Variants in SYNE2 observed in about 807,000 individuals in gnomAD.
SYNE2 encodes nesprin-2.
SYNE2 carries 431 observed loss-of-function variants against 856.3 expected under a neutral mutation model. The ratio of observed to expected loss-of-function variants is 0.50; its 90% CI spans 0.47 to 0.55. The LOEUF (loss-of-function observed/expected upper bound fraction) is 0.55. Among genes scored for constraint, SYNE2 ranks in the 20% least tolerant of loss-of-function variants. The probability of loss-of-function intolerance (pLI) is 0.00; values close to 1 mark genes in which losing one functional copy is unlikely to be tolerated. For missense variants in SYNE2, 8,129 were observed against 8,023.2 expected (o/e 1.01, Z -0.50); for synonymous variants, 2,923 against 2,872.3 (o/e 1.02, Z -0.56).
At chr14:63,847,778 G>T (rs1328224226) in intron 1 of SYNE2, among the ~76,000 whole-genome samples, 4 of 151,812 alleles carry the variant, frequency 2.6e-5, no homozygotes, top group Non-Finnish European at 5.9e-5. Context: ...TAGAGATGGG[G>T]TTTCACCGTG....
chr14:64,027,761 C>T lies in SYNE2; in HGVS notation c.6682C>T (p.His2228Tyr), dbSNP rs2096992235. The T allele has an allele frequency of 6.2e-7, 1 of 1,613,560 alleles. No individual in the cohort carries two copies. Among genetic ancestry groups the T allele is most frequent in the African/African-American group, 1.3e-5 (1 of 74,804 alleles). Residue 2228 changes from histidine to tyrosine, a missense_variant, in exon 43 of 116, where the codon CAT becomes TAT. Physicochemically the swap from His to Tyr is moderately conservative, Grantham distance 83 (BLOSUM62 2). Coordinates refer to ENST00000555002, the MANE Select transcript of SYNE2 (RefSeq NM_182914.3). ...TGAAGAGCCTTGGCTGGAAATAAAG[C>T]ATCTACACGAAAGTCTTCTTCAACA... ...FSEEPWLEIK[H>Y]LHESLLQQLQ...
chr14:63,936,082 C>A lies in SYNE2; in HGVS notation c.80-4532C>A, dbSNP rs1369657171. Among the ~76,000 whole-genome samples, 3 of 152,262 alleles carry A rather than the reference C, an allele frequency of 2.0e-5. No homozygotes were observed. The East Asian group carries it at 5.8e-4, about 29-fold the overall frequency. ...TAGAGATGGGGTTTCACCATGTTGG[C>A]CACGCTGGTCTCGAACTTCTGACCT... On this transcript the variant is annotated intron_variant, in intron 2 of 115. Transcript: ENST00000555002.
Position 63,865,712 on chromosome 14 carries a change from C to CG in SYNE2, c.-52+12569_-52+12570insG, listed in dbSNP as rs1177211517. The stretch of plus-strand genomic sequence containing the variant: ...GGGCAACAAGAGCAAAACTCTGTAC[C>CG]CACCCCCCCCCCAAAAAAAAAGAAA... On this transcript the variant is annotated intron_variant, in intron 1 of 115. Transcript: ENST00000555002. Among the ~76,000 whole-genome samples the CG allele has an allele frequency of 7.4e-4, 54 of 72,808 alleles. 5 individuals carry two copies. The highest frequency in any genetic ancestry group is 1.2e-3 in the Non-Finnish European group (44 of 35,678). 47.8% of individuals were successfully genotyped at this position (72,808 alleles called of 152,430 possible). A position where few individuals can be genotyped will look rare whatever the true frequency, so the allele number is the denominator to read the frequency against.
chr14:64,216,541 C>T, intron 108 of SYNE2, 154 bp downstream of exon 108: 1 of 879,706 alleles, frequency 1.1e-6, no homozygotes. Context: ...GTTGAGCTGT[C>T]CATACTTCAT....
intron 14 of SYNE2, among the ~76,000 whole-genome samples, chr14:63,979,784 C>T (rs1452572074): frequency 6.6e-6 from 1 of 152,104 alleles, no homozygotes; most frequent in African/African-American, 2.4e-5. Context: ...CCTGTAATAC[C>T]AGCTACTTGG....
rs780430830 is a variant in SYNE2, at chr14:64,125,208, C to T, written c.13552C>T (p.Gln4518Ter). 1 of 1,614,140 alleles carries T rather than the reference C, an allele frequency of 6.2e-7. No homozygotes were observed. Among genetic ancestry groups the T allele is most frequent in the Admixed American group, 1.7e-5 (1 of 60,030 alleles). Reference protein sequence around the residue: ...LRQEASNLQTQENMTEEAYIN... With the variant: ...LRQEASNLQT Reference sequence around the variant, plus strand: ...CCAAGAAGCAAGTAACCTTCAGACACAGGTAGAAGCTGCACACAATGTGTT... The same window carrying T: ...CCAAGAAGCAAGTAACCTTCAGACATAGGTAGAAGCTGCACACAATGTGTT... Residue 4518 changes from glutamine to a stop codon, truncating the protein, a stop_gained and splice_region_variant, in exon 71 of 116, where the codon CAG becomes TAG. Transcript: ENST00000555002. LOFTEE classifies it high-confidence loss of function.
At chr14:63,947,717 A>G (rs1462899852) in intron 6 of SYNE2, among the ~76,000 whole-genome samples, 3 of 152,114 alleles carry the variant, frequency 2.0e-5, no homozygotes, top group Non-Finnish European at 2.9e-5. Flanking sequence ...CATGCCTGTA[A>G]TTCCAGCTAC....
chr14:63,925,839 ACT>A (rs911968090), intron 2 of SYNE2, among the ~76,000 whole-genome samples: 18 of 151,892 alleles, frequency 1.2e-4, no homozygotes, highest in African/African-American at 4.1e-4. Flanking sequence ...CAAATGACAG[ACT>A]CTCATCCTTT....
At chr14:63,815,694 C>T (rs1888951661) in intron 1 of SYNE2, among the ~76,000 whole-genome samples, 1 of 152,036 alleles carries the variant, frequency 6.6e-6, no homozygotes, top group Non-Finnish European at 1.5e-5. Flanking sequence ...AAGTGGAAAA[C>T]TTGATATAAA....
In SYNE2 at chr14:64,186,521, T is replaced by C. The variant is rs1230315564; in HGVS notation, c.17654T>C (p.Met5885Thr). The C allele has an allele frequency of 6.2e-7, 1 of 1,614,170 alleles. No homozygotes were observed. Among genetic ancestry groups the C allele is most frequent in the Admixed American group, 1.7e-5 (1 of 60,016 alleles). Residue 5885 changes from methionine (M) to threonine (T), a missense_variant, in exon 97 of 116, where the codon ATG (methionine) becomes ACG (threonine). Physicochemically the swap from Met to Thr is moderately conservative, Grantham distance 81. This residue lies in a region of SYNE2 where 5,410 missense variants were observed against 5,284.8 expected (regional missense o/e 1.02). Coordinates refer to ENST00000555002, the MANE Select transcript of SYNE2 (RefSeq NM_182914.3). ...LTRHVLVEDV[M>T]VLKEQIEHLH... is the part of the protein sequence containing the mutation. Reference sequence around the variant, plus strand: ...CGGCACGTTCTCGTGGAAGATGTGATGGTTTTGAAGGAGCAAATAGAGCAT... The same window carrying C: ...CGGCACGTTCTCGTGGAAGATGTGACGGTTTTGAAGGAGCAAATAGAGCAT...
chr14:63,861,290 G>A (rs769994208), intron 1 of SYNE2, among the ~76,000 whole-genome samples: 2 of 151,630 alleles, frequency 1.3e-5, no homozygotes, highest in Non-Finnish European at 2.9e-5. Context: ...GATTACAGGT[G>A]CGCACCACCA....
At position 64,164,403 on chromosome 14, in the gene SYNE2, T is replaced by C. The variant is rs111888240; in HGVS notation, c.16479+822T>C. Reference sequence around the variant, plus strand: ...GGGATTACAGACGTGAGCCACTGTGTCTGGCCGGCTAATTTTTGTATAATT... The same window carrying C: ...GGGATTACAGACGTGAGCCACTGTGCCTGGCCGGCTAATTTTTGTATAATT... On this transcript the variant is annotated intron_variant, in intron 89 of 115. Transcript: ENST00000555002. Among the ~76,000 whole-genome samples, 104 of 152,162 alleles carry C rather than the reference T, an allele frequency of 6.8e-4. 1 individual carries two copies. The highest frequency in any genetic ancestry group is 2.4e-3 in the African/African-American group (100 of 41,522).
rs2098717216 is a variant in SYNE2, at chr14:64,226,085, G to A, written c.*559G>A. The A allele has an allele frequency of 6.3e-6, 1 of 158,788 alleles. No homozygotes were observed. The highest frequency in any genetic ancestry group is 2.4e-5 in the African/African-American group (1 of 41,508). The allele number at this position is 158,788 out of a possible 1,614,324, so 9.8% of individuals were successfully genotyped here. A position where few individuals can be genotyped will look rare whatever the true frequency, so the allele number is the denominator to read the frequency against. ...GTACCTAGCTCTGCTCTTTTATATT[G>A]CTTTAAATTTTTAAAGAAATTGTAT... On this transcript the variant is annotated 3_prime_UTR_variant, in exon 116 of 116. Transcript: ENST00000555002.
At chr14:64,013,117 G>A (rs1300745523) in intron 32 of SYNE2, among the ~76,000 whole-genome samples, 1 of 152,172 alleles carries the variant, frequency 6.6e-6, no homozygotes, top group African/African-American at 2.4e-5. Flanking sequence ...TCCATTCGCT[G>A]TAAAACAAAA....
intron 45 of SYNE2, among the ~76,000 whole-genome samples, chr14:64,043,932 A>G (rs1333237713): frequency 6.6e-6 from 1 of 152,186 alleles, no homozygotes; most frequent in African/African-American, 2.4e-5. Flanking sequence ...GTCACAGCTC[A>G]CTGTAGCCTC....
intron 66 of SYNE2, 51 bp from the exon 67 acceptor site, chr14:64,119,376 A>C (rs181049388): frequency 6.2e-7 from 1 of 1,608,578 alleles, no homozygotes; most frequent in Non-Finnish European, 8.5e-7. Flanking sequence ...TGCAGGCACA[A>C]TACTTCTTCA....
chr14:64,131,780 A>G (rs2098024289), intron 76 of SYNE2, among the ~76,000 whole-genome samples: 1 of 152,184 alleles, frequency 6.6e-6, no homozygotes, highest in Admixed American at 6.5e-5. Flanking sequence ...TAGACTCAAA[A>G]CAACTGATTT....
At chr14:63,806,230 G>A (rs1203997111) in intron 1 of SYNE2, among the ~76,000 whole-genome samples, 1 of 152,150 alleles carries the variant, frequency 6.6e-6, no homozygotes, top group African/African-American at 2.4e-5. Flanking sequence ...TGTGTCTGTT[G>A]AGATGATCGT....
At chr14:64,039,317 AG>A (rs1483611746) in intron 45 of SYNE2, among the ~76,000 whole-genome samples, 7 of 152,358 alleles carry the variant, frequency 4.6e-5, no homozygotes, top group African/African-American at 1.7e-4. Flanking sequence ...GAAAAGGGAT[AG>A]TGAAGGTTAC....
Sources: allele counts gnomAD v4.1 joint callset (sites outside exome capture counted in the v4.1 genomes callset), GRCh38; gene constraint gnomAD v4.1.1; regional missense constraint gnomAD v4.1.1; transcripts MANE v1.5; gene names NCBI Gene and HGNC (gene_info 2026-07-23, HGNC 2026-07-21).